UQCRC2: variants seen among roughly 807,000 people sequenced by gnomAD.
UQCRC2 encodes the protein cytochrome b-c1 complex subunit 2, mitochondrial.
In UQCRC2, 49 loss-of-function variants were observed where a neutral mutation model predicts 55.6. The ratio of observed to expected loss-of-function variants is 0.88; its 90% CI spans 0.70 to 1.12. UQCRC2 has a LOEUF of 1.12. Among genes scored for constraint, UQCRC2 ranks in the 50% most tolerant of loss-of-function variants. The pLI is 0.00. For synonymous variants in UQCRC2, 193 were observed against 192.0 expected (o/e 1.01, Z -0.04); for missense variants, 506 against 547.8 (o/e 0.92, Z 0.76).
intron 4 of UQCRC2, among the ~76,000 whole-genome samples, chr16:21,961,669 T>TATATATATATATATATATATATA (rs1208690779): frequency 2.3e-5 from 3 of 128,978 alleles, no homozygotes; most frequent in Non-Finnish European, 5.1e-5. Context: ...TATATATATA[T>TATATATATATATATATATATATA]TTTAGACAGT....
chr16:21,975,610 T>C (rs767868124), intron 11 of UQCRC2, among the ~76,000 whole-genome samples: 1 of 152,186 alleles, frequency 6.6e-6, no homozygotes, highest in African/African-American at 2.4e-5. Flanking sequence ...TTTTTTTAAA[T>C]ACCATACAAG....
At chr16:21,962,596 T>G (rs990255908) in intron 5 of UQCRC2, 80 bp downstream of exon 5, 12 of 1,600,838 alleles carry the variant, frequency 7.5e-6, no homozygotes, top group Non-Finnish European at 6.8e-6. Flanking sequence ...TAATGCGTCA[T>G]TATGACCTCT....
intron 1 of UQCRC2, among the ~76,000 whole-genome samples, chr16:21,954,742 C>G (rs898389031): frequency 3.3e-5 from 5 of 152,038 alleles, no homozygotes; most frequent in Admixed American, 3.3e-4. Context: ...TTGAATGGGA[C>G]GATTAAGAAG....
At chr16:21,977,851 G>A (rs550463201) in intron 12 of UQCRC2, among the ~76,000 whole-genome samples, 1 of 152,214 alleles carries the variant, frequency 6.6e-6, no homozygotes, top group South Asian at 2.1e-4. Context: ...TTGTTATGCT[G>A]AGCACACTAC....
At chr16:21,979,858 C>T (rs1379265071) in intron 12 of UQCRC2, among the ~76,000 whole-genome samples, 1 of 152,122 alleles carries the variant, frequency 6.6e-6, no homozygotes, top group African/African-American at 2.4e-5. Context: ...ATATGTGGTC[C>T]ATCATTGACC....
intron 7 of UQCRC2, among the ~76,000 whole-genome samples, chr16:21,965,794 C>G (rs558960301): frequency 6.6e-6 from 1 of 152,232 alleles, no homozygotes; most frequent in African/African-American, 2.4e-5. Flanking sequence ...TAAAGGCACT[C>G]AGTGTTAATA....
chr16:21,962,787 A>T lies in UQCRC2; in HGVS notation c.416A>T (p.Asn139Ile). The T allele has an allele frequency of 6.2e-7, 1 of 1,614,086 alleles. No homozygotes were observed. Among genetic ancestry groups the T allele is most frequent in the Non-Finnish European group, 8.5e-7 (1 of 1,180,008 alleles). The part of the protein sequence containing the change: ...DVDILMEFLL[N>I]VTTAPEFRRW... ...GATATTCTAATGGAGTTCCTGCTCA[A>T]TGTCACCACAGCACCAGAATTTCGT... is the stretch of plus-strand genomic sequence containing the variant. The change falls in exon 6 of 14, where the codon AAT becomes ATT. Residue 139 changes from asparagine to isoleucine, a missense_variant. Physicochemically the swap from Asn to Ile is moderately radical, Grantham distance 149. Coordinates refer to ENST00000268379, the MANE Select transcript of UQCRC2 (RefSeq NM_003366.4).
intron 8 of UQCRC2, 130 bp from the exon 9 acceptor site, chr16:21,971,395 G>T: frequency 2.8e-6 from 2 of 712,536 alleles, no homozygotes; most frequent in Non-Finnish European, 4.6e-6. Context: ...TGGCATTATG[G>T]CAGGAAGACT....
chr16:21,976,784 A>G (rs1898596609), intron 12 of UQCRC2: 1 of 152,192 alleles, frequency 6.6e-6, no homozygotes, highest in Non-Finnish European at 1.5e-5. Flanking sequence ...CATCCTTATT[A>G]TAGAAGTTTG....
intron 4 of UQCRC2, chr16:21,959,844 C>A (rs1898159911): frequency 6.6e-6 from 1 of 152,244 alleles, no homozygotes; most frequent in Non-Finnish European, 1.5e-5. Flanking sequence ...CCTTGTACAT[C>A]TGCATCAGAG....
rs201061280 is a variant in UQCRC2, at chr16:21,971,515, G to C, written c.671-10G>C. 69 of 1,599,292 alleles carry C rather than the reference G, an allele frequency of 4.3e-5. No homozygotes were observed. The East Asian group carries it at 1.5e-3, about 34-fold the overall frequency. ...TGGTTCTAGCTTTGTTTTTGCTTCT[G>C]TTGAAACAGGTGTGAGTCATCCTGT... On this transcript the variant is annotated splice_polypyrimidine_tract_variant and intron_variant, in intron 8 of 13. Transcript: ENST00000268379.
At chr16:21,978,383 T>G (rs1898635020) in intron 12 of UQCRC2, among the ~76,000 whole-genome samples, 4 of 152,244 alleles carry the variant, frequency 2.6e-5, no homozygotes, top group Non-Finnish European at 5.9e-5. Context: ...AACTCGACTG[T>G]CTTATCAAAC....
chr16:21,972,933 C>G lies in UQCRC2; in HGVS notation c.966+811C>G, dbSNP rs191903532. On this transcript the variant is annotated intron_variant, in intron 10 of 13. Coordinates refer to ENST00000268379, the MANE Select transcript of UQCRC2 (RefSeq NM_003366.4). ...TGGCTAACACAGTGAAACCCTGTCT[C>G]TACTAAAAATACAAAAATTGTCTGG... is the stretch of plus-strand genomic sequence containing the variant. Among the ~76,000 whole-genome samples, 63 of 152,260 alleles carry G rather than the reference C, an allele frequency of 4.1e-4. No homozygotes were observed. In the East Asian group the frequency reaches 0.011, roughly 26 times the overall value.
In UQCRC2 at chr16:21,980,574, G is replaced by A. The variant is rs143728487; in HGVS notation, c.1152G>A (p.Met384Ile). Residue 384 changes from methionine (M) to isoleucine (I), a missense_variant, in exon 13 of 14, where the codon ATG becomes ATA. Met to Ile is a conservative substitution (Grantham distance 10). Transcript: ENST00000268379. ...AKNKLKAGYL[M>I]SVESSECFLE... ...ACAAGCTGAAAGCTGGATACCTAATGTCAGTGGAGTCTTCTGAGTGTTTCC... is the reference window on the plus strand; with the variant it reads ...ACAAGCTGAAAGCTGGATACCTAATATCAGTGGAGTCTTCTGAGTGTTTCC... The A allele has an allele frequency of 4.3e-5, 70 of 1,614,046 alleles. No individual in the cohort carries two copies. The highest frequency in any genetic ancestry group is 5.7e-5 in the Non-Finnish European group (67 of 1,180,034).
chr16:21,957,646 T>A, intron 3 of UQCRC2, 80 bp downstream of exon 3: 1 of 1,539,614 alleles, frequency 6.5e-7, no homozygotes, highest in Non-Finnish European at 8.7e-7. Flanking sequence ...AAGATCAATG[T>A]CTTTATATTT....
rs368116933 is a variant in UQCRC2, at chr16:21,973,887, A to G, written c.967-9A>G. ...GAATATCATACAGTAAAGTCTCATT[A>G]TCTTTCAGGTTTCTGCATTTAATGC... is the stretch of plus-strand genomic sequence containing the variant. On this transcript the variant is annotated splice_polypyrimidine_tract_variant and intron_variant, in intron 10 of 13. Coordinates refer to ENST00000268379, the MANE Select transcript of UQCRC2 (RefSeq NM_003366.4). 190 of 1,611,948 alleles carry G rather than the reference A, an allele frequency of 1.2e-4. 1 individual carries two copies. The highest frequency in any genetic ancestry group is 1.0e-3 in the South Asian group (95 of 90,746).
At chr16:21,957,684 AC>A in intron 3 of UQCRC2, 118 bp downstream of exon 3, 1 of 1,409,992 alleles carries the variant, frequency 7.1e-7, no homozygotes, top group Non-Finnish European at 9.6e-7. Context: ...ATAACAAATT[AC>A]CACGGACTGG....
Position 21,972,129 on chromosome 16 carries a change from C to A in UQCRC2, c.966+7C>A. The A allele has an allele frequency of 1.2e-6, 2 of 1,610,888 alleles. No homozygotes were observed. Among genetic ancestry groups the A allele is most frequent in the Non-Finnish European group, 1.7e-6 (2 of 1,178,408 alleles). Reference sequence around the variant, plus strand: ...AACTCAGCAGCCATTTGATGTGAGTCTGAACAGTTGGTATCTCTCTTTTTG... The same window carrying A: ...AACTCAGCAGCCATTTGATGTGAGTATGAACAGTTGGTATCTCTCTTTTTG... On this transcript the variant is annotated splice_region_variant and intron_variant, in intron 10 of 13. Coordinates refer to ENST00000268379, the MANE Select transcript of UQCRC2 (RefSeq NM_003366.4).
chr16:21,977,438 C>T (rs1898612430), intron 12 of UQCRC2, among the ~76,000 whole-genome samples: 2 of 152,120 alleles, frequency 1.3e-5, no homozygotes, highest in African/African-American at 4.8e-5. Flanking sequence ...ATAAGAGTAC[C>T]TATTCTACAA....
Sources: gnomAD v4.1 joint callset for allele counts (sites outside exome capture counted in the v4.1 genomes callset) on GRCh38, gnomAD v4.1.1 for gene constraint, MANE v1.5 for transcripts, NCBI Gene and HGNC (gene_info 2026-07-23, HGNC 2026-07-21) for gene names.